The following CTNNA3 variants were observed in gnomAD, a reference collection of about 807,000 sequenced individuals.
The protein encoded by CTNNA3 is catenin alpha 3.
A neutral mutation model predicts 95.7 loss-of-function variants in CTNNA3; 76 were observed. The observed-to-expected ratio is 0.79, with a 90% CI of 0.66 to 0.96. The LOEUF (loss-of-function observed/expected upper bound fraction) is 0.96. Among genes scored for constraint, CTNNA3 ranks in the 40% least tolerant of loss-of-function variants. The probability of loss-of-function intolerance (pLI) is 0.00; values close to 1 mark genes in which losing one functional copy is unlikely to be tolerated. For synonymous variants in CTNNA3, 431 were observed against 374.4 expected, an observed-to-expected ratio of 1.15 and a Z score of -1.74; for missense variants, 1,191 against 1,089.8, an observed-to-expected ratio of 1.09 and a Z score of -1.31.
intron 5 of CTNNA3, among the ~76,000 whole-genome samples, chr10:67,384,627 G>T (rs1286351740): frequency 6.6e-6 from 1 of 152,154 alleles, no homozygotes; most frequent in East Asian, 1.9e-4. Flanking sequence ...TTCCAGGGGA[G>T]CCCAAAACTG....
chr10:67,443,075 T>A (rs1325564936), intron 5 of CTNNA3, among the ~76,000 whole-genome samples: 1 of 150,424 alleles, frequency 6.6e-6, no homozygotes. Context: ...AATAGTTTAC[T>A]GAGAATGATG....
In CTNNA3 at chr10:66,931,001, C is replaced by T. The variant is rs1269563992; in HGVS notation, c.1048-155477G>A. Among the ~76,000 whole-genome samples the T allele has an allele frequency of 2.6e-5, 4 of 152,044 alleles. No individual in the cohort carries two copies. The South Asian group carries it at 6.2e-4, about 24-fold the overall frequency. ...TAGTTTACCACTGTAAATTTTAAAA[C>T]GCCAACTGCCAGTCTCCTGCTCAAA... On this transcript the variant is annotated intron_variant, in intron 7 of 17. Coordinates refer to ENST00000433211, the MANE Select transcript of CTNNA3 (RefSeq NM_013266.4).
intron 15 of CTNNA3, among the ~76,000 whole-genome samples, chr10:66,024,085 A>ATTCTTTTTTTTTTTTTTTTT (rs2079283051): frequency 1.1e-5 from 1 of 87,750 alleles, no homozygotes; most frequent in Non-Finnish European, 2.1e-5. Context: ...TACCATACAC[A>ATTCTTTTTTTTTTTTTTTTT]TTTTTTTTTT....
At chr10:66,175,035 G>T (rs1179098507) in intron 13 of CTNNA3, among the ~76,000 whole-genome samples, 1 of 151,956 alleles carries the variant, frequency 6.6e-6, no homozygotes, top group Admixed American at 6.6e-5. Context: ...GAGAAAGAAG[G>T]TACAAGATTT....
chr10:66,309,914 TAAATAAATAAATAAATAA>T (rs2091990726), intron 12 of CTNNA3, among the ~76,000 whole-genome samples: 1 of 62,306 alleles, frequency 1.6e-5, no homozygotes, highest in Non-Finnish European at 3.6e-5. Context: ...AAAAAATAAA[TAAATAAATAAATAAATAA>T]ATAAATAAAT....
intron 13 of CTNNA3, among the ~76,000 whole-genome samples, chr10:66,239,331 C>A (rs1043574702): frequency 5.3e-5 from 8 of 151,402 alleles, no homozygotes; most frequent in African/African-American, 1.9e-4. Context: ...TGCTTTTATT[C>A]TTTTAACTTT....
chr10:67,720,791 TAAAA>T (rs910947077), intron 1 of CTNNA3, among the ~76,000 whole-genome samples: 6 of 152,016 alleles, frequency 3.9e-5, no homozygotes, highest in African/African-American at 1.4e-4. Flanking sequence ...CTGTCTCTAC[TAAAA>T]ATACAAAAAT....
At chr10:66,575,491 T>C (rs1254602119) in intron 10 of CTNNA3, among the ~76,000 whole-genome samples, 1 of 152,152 alleles carries the variant, frequency 6.6e-6, no homozygotes, top group Non-Finnish European at 1.5e-5. Flanking sequence ...TGCAATTTTT[T>C]GAGCCCTCAC....
intron 11 of CTNNA3, among the ~76,000 whole-genome samples, chr10:66,402,844 C>G (rs1374109215): frequency 1.3e-5 from 2 of 152,070 alleles, no homozygotes; most frequent in Non-Finnish European, 2.9e-5. Context: ...AGGGAACCCC[C>G]CACCTAAGGG....
At chr10:66,446,912 A>G (rs189272841) in intron 11 of CTNNA3, among the ~76,000 whole-genome samples, 7,401 of 151,794 alleles carry the variant, frequency 0.049, 252 homozygotes, top group East Asian at 0.11. Flanking sequence ...ACATTATTGT[A>G]TATCTAGAAA....
At chr10:67,369,918 C>T (rs947669424) in intron 5 of CTNNA3, among the ~76,000 whole-genome samples, 3 of 152,128 alleles carry the variant, frequency 2.0e-5, no homozygotes, top group African/African-American at 7.2e-5. Context: ...ATTACAAATG[C>T]ATATGCCCTT....
chr10:65,915,406 T>C lies in CTNNA3; in HGVS notation c.*4924A>G, dbSNP rs971073634. 1 of 152,174 alleles carries C rather than the reference T, an allele frequency of 6.6e-6. No homozygotes were observed. Among genetic ancestry groups the C allele is most frequent in the Non-Finnish European group, 1.5e-5 (1 of 68,072 alleles). The allele number at this position is 152,174 out of a possible 1,614,324, so 9.4% of individuals were successfully genotyped here. A position where few individuals can be genotyped will look rare whatever the true frequency, so the allele number is the denominator to read the frequency against. ...AACCAAAAAACTCTCCCCTCATCTA[T>C]GAAAGCTAAATGCTTCTGCAACTAC... On this transcript the variant is annotated 3_prime_UTR_variant, in exon 18 of 18. Coordinates refer to ENST00000433211, the MANE Select transcript of CTNNA3 (RefSeq NM_013266.4).
chr10:67,521,944 C>T lies in CTNNA3; in HGVS notation c.477G>A (p.Glu159=), dbSNP rs994693264. 2.5e-6 allele frequency: 4 copies of T among 1,611,546 alleles called. No homozygotes were observed. Among genetic ancestry groups the T allele is most frequent in the Non-Finnish European group, 3.4e-6 (4 of 1,178,506 alleles). Residue 159 remains glutamate, a synonymous_variant, in exon 5 of 18, where the codon GAG becomes GAA. Coordinates refer to ENST00000433211, the MANE Select transcript of CTNNA3 (RefSeq NM_013266.4). Reference sequence around the variant, plus strand: ...ATTTGTTGGCAACATTTTTGAGAGACTCAAATGTCCTTTGAAACTGAAATT... The same window carrying T: ...ATTTGTTGGCAACATTTTTGAGAGATTCAAATGTCCTTTGAAACTGAAATT... ...QHVSAFQRTF[E]SLKNVANKSD...
At chr10:66,063,223 T>TAGATAGATAG (rs781582594) in intron 15 of CTNNA3, among the ~76,000 whole-genome samples, 1 of 117,752 alleles carries the variant, frequency 8.5e-6, no homozygotes, top group African/African-American at 3.5e-5. Context: ...TAGATATAGA[T>TAGATAGATAG]ATAGATAGAT....
intron 9 of CTNNA3, among the ~76,000 whole-genome samples, chr10:66,710,996 A>G (rs1175914884): frequency 1.3e-5 from 2 of 152,088 alleles, no homozygotes; most frequent in Non-Finnish European, 2.9e-5. Flanking sequence ...AATCTTTAAA[A>G]ATGTGTTAGC....
intron 7 of CTNNA3, among the ~76,000 whole-genome samples, chr10:67,080,892 G>A (rs1409325861): frequency 6.7e-6 from 1 of 149,820 alleles, no homozygotes; most frequent in African/African-American, 2.5e-5. Context: ...CTGGGCGAGA[G>A]AGCGAGACTC....
intron 2 of CTNNA3, among the ~76,000 whole-genome samples, chr10:67,634,777 A>T (rs1430132416): frequency 2.0e-5 from 3 of 152,228 alleles, no homozygotes; most frequent in African/African-American, 7.2e-5. Context: ...AGAAAAGCTA[A>T]CTATCCTATA....
chr10:66,713,056 T>C (rs1564634221), intron 9 of CTNNA3, among the ~76,000 whole-genome samples: 1 of 152,118 alleles, frequency 6.6e-6, no homozygotes, highest in Admixed American at 6.6e-5. Context: ...TAGGGACTTC[T>C]CTAACCTCTC....
chr10:67,220,922 A>G lies in CTNNA3; in HGVS notation c.580-1052T>C, dbSNP rs538752835. Reference sequence around the variant, plus strand: ...AGGAACCCATAATTCCAGTCTAATCATGAGAAAAGCAACAAACAAAATGAG... The same window carrying G: ...AGGAACCCATAATTCCAGTCTAATCGTGAGAAAAGCAACAAACAAAATGAG... On this transcript the variant is annotated intron_variant, in intron 5 of 17. Transcript: ENST00000433211. 7.2e-4 allele frequency among the ~76,000 whole-genome samples: 110 copies of G among 152,274 alleles called. 1 individual carries two copies. The highest frequency in any genetic ancestry group is 2.6e-3 in the African/African-American group (106 of 41,558).
Sources: gnomAD v4.1 joint callset for allele counts (sites outside exome capture counted in the v4.1 genomes callset) on GRCh38, gnomAD v4.1.1 for gene constraint, MANE v1.5 for transcripts, NCBI Gene and HGNC (gene_info 2026-07-23, HGNC 2026-07-21) for gene names.